TMEM150C: variants seen among roughly 807,000 people sequenced by gnomAD.
TMEM150C encodes transmembrane protein 150C, also known as tentonin 3.
TMEM150C carries 10 observed loss-of-function variants against 29.9 expected under a neutral mutation model. The ratio of observed to expected loss-of-function variants is 0.33; its 90% CI spans 0.21 to 0.57. The LOEUF (loss-of-function observed/expected upper bound fraction) is 0.57, where lower values mean the gene tolerates loss of function less well. Ranked by LOEUF, TMEM150C falls within the 20% of genes least tolerant of loss-of-function variation. TMEM150C has a pLI of 0.88. For missense variants in TMEM150C, 251 were observed against 303.6 expected, an observed-to-expected ratio of 0.83 and a Z score of 1.29; for synonymous variants, 101 against 112.5, an observed-to-expected ratio of 0.90 and a Z score of 0.64.
chr4:82,486,361 A>AC (rs1553904911), intron 7 of TMEM150C, among the ~76,000 whole-genome samples: 4 of 150,814 alleles, frequency 2.7e-5, no homozygotes, highest in Admixed American at 6.6e-5. Context: ...AAAAAAAAAA[A>AC]AAGAAGAAAG....
intron 1 of TMEM150C, among the ~76,000 whole-genome samples, chr4:82,517,936 A>G (rs1724346023): frequency 6.6e-6 from 1 of 152,222 alleles, no homozygotes; most frequent in Admixed American, 6.5e-5. Context: ...GCAATAACAT[A>G]TTCTAACAAC....
intron 1 of TMEM150C, among the ~76,000 whole-genome samples, chr4:82,513,444 TG>T (rs1485800681): frequency 3.3e-5 from 5 of 151,854 alleles, no homozygotes; most frequent in African/African-American, 9.7e-5. Context: ...GCCAATGAAC[TG>T]CACACTTAAA....
At chr4:82,516,457 C>T (rs1724300535) in intron 1 of TMEM150C, among the ~76,000 whole-genome samples, 1 of 152,232 alleles carries the variant, frequency 6.6e-6, no homozygotes, top group African/African-American at 2.4e-5. Flanking sequence ...ATACTGTACA[C>T]ACTGCTTAAA....
chr4:82,525,999 G>T (rs1034824429), intron 1 of TMEM150C, among the ~76,000 whole-genome samples: 11 of 152,128 alleles, frequency 7.2e-5, no homozygotes, highest in African/African-American at 2.7e-4. Flanking sequence ...CCACCTCCTG[G>T]GCTCATGTGA....
chr4:82,492,625 A>G (rs1235573721), intron 6 of TMEM150C, among the ~76,000 whole-genome samples: 4 of 151,730 alleles, frequency 2.6e-5, no homozygotes, highest in African/African-American at 9.7e-5. Flanking sequence ...TCCCCAAATC[A>G]TTACCAACTG....
rs1463703689 is a variant in TMEM150C, at chr4:82,502,751, C to T, written c.211G>A (p.Val71Ile). 2 of 1,610,162 alleles carry T rather than the reference C, an allele frequency of 1.2e-6. No individual in the cohort carries two copies. The highest frequency in any genetic ancestry group is 1.7e-5 in the Admixed American group (1 of 59,498). The change falls in exon 5 of 8, where the codon GTT becomes ATT. Residue 71 changes from valine (V) to isoleucine (I), a missense_variant. Transcript: ENST00000449862. ...CCTAGGAAGGCTGCCATGTTCATAA[C>T]TTGACTAAACACACAGCTTGCAGGA... The part of the protein sequence containing the change: ...DPPASCVFSQ[V>I]MNMAAFLALV...
intron 1 of TMEM150C, among the ~76,000 whole-genome samples, chr4:82,539,264 A>C (rs1269616059): frequency 6.6e-6 from 1 of 152,172 alleles, no homozygotes; most frequent in Non-Finnish European, 1.5e-5. Flanking sequence ...ATGAATGAAT[A>C]CTATTATCAT....
At chr4:82,503,845 T>C (rs1214211973) in intron 2 of TMEM150C, among the ~76,000 whole-genome samples, 1 of 150,604 alleles carries the variant, frequency 6.6e-6, no homozygotes, top group Non-Finnish European at 1.5e-5. Flanking sequence ...CAAGACTCCG[T>C]CTCAAAAAAA....
At position 82,503,117 on chromosome 4, in the gene TMEM150C, C is replaced by A; in HGVS notation, c.81-5G>T. 6.3e-7 allele frequency: 1 copy of A among 1,585,600 alleles called. No individual in the cohort carries two copies. Among genetic ancestry groups the A allele is most frequent in the South Asian group, 1.1e-5 (1 of 88,456 alleles). ...TCTTCCACAGCTATGAAGTATCTATCAAAAAAGAATAAGTTTATAGAACAA... is the reference window on the plus strand; with the variant it reads ...TCTTCCACAGCTATGAAGTATCTATAAAAAAAGAATAAGTTTATAGAACAA... On this transcript the variant is annotated splice_region_variant and splice_polypyrimidine_tract_variant and intron_variant, in intron 2 of 7. Transcript: ENST00000449862.
chr4:82,494,783 ATTTTTTT>A (rs70964776), intron 6 of TMEM150C: 100 of 188,078 alleles, frequency 5.3e-4, no homozygotes, highest in African/African-American at 1.8e-3. Flanking sequence ...AATGTTCCTA[ATTTTTTT>A]TTTTTTTTTT....
At chr4:82,508,915 A>G (rs532571147) in intron 1 of TMEM150C, among the ~76,000 whole-genome samples, 125 of 152,290 alleles carry the variant, frequency 8.2e-4, no homozygotes, top group Non-Finnish European at 1.4e-3. Context: ...CTTCTAACAA[A>G]TGGAGGAAAA....
At chr4:82,527,642 T>G (rs1201346647) in intron 1 of TMEM150C, among the ~76,000 whole-genome samples, 1 of 152,200 alleles carries the variant, frequency 6.6e-6, no homozygotes, top group Non-Finnish European at 1.5e-5. Flanking sequence ...CCTCCATGCC[T>G]TCTTCCCATG....
chr4:82,541,628 G>C (rs1725204831), intron 1 of TMEM150C, among the ~76,000 whole-genome samples: 1 of 152,124 alleles, frequency 6.6e-6, no homozygotes, highest in South Asian at 2.1e-4. Flanking sequence ...TCAGTGAGGA[G>C]CCCAAAATAA....
intron 1 of TMEM150C, among the ~76,000 whole-genome samples, chr4:82,534,317 C>A (rs1724942115): frequency 6.6e-6 from 1 of 152,130 alleles, no homozygotes; most frequent in African/African-American, 2.4e-5. Context: ...TCACCTCACC[C>A]CTGCAAAAGA....
chr4:82,558,569 A>G (rs1725815515), intron 1 of TMEM150C, among the ~76,000 whole-genome samples: 1 of 152,146 alleles, frequency 6.6e-6, no homozygotes, highest in Non-Finnish European at 1.5e-5. Context: ...ATCTCTTTGC[A>G]TGATGATTGA....
At chr4:82,505,239 G>C (rs1283185929) in intron 1 of TMEM150C, among the ~76,000 whole-genome samples, 1 of 152,028 alleles carries the variant, frequency 6.6e-6, no homozygotes, top group Non-Finnish European at 1.5e-5. Context: ...TAGAGATGGG[G>C]TCTAGCTATG....
At chr4:82,505,253 C>A (rs1723879181) in intron 1 of TMEM150C, among the ~76,000 whole-genome samples, 1 of 151,994 alleles carries the variant, frequency 6.6e-6, no homozygotes, top group African/African-American at 2.4e-5. Flanking sequence ...AGCTATGTTG[C>A]CCAAGCTGGT....
intron 1 of TMEM150C, among the ~76,000 whole-genome samples, chr4:82,545,370 G>A (rs1011640795): frequency 6.6e-6 from 1 of 152,066 alleles, no homozygotes; most frequent in African/African-American, 2.4e-5. Context: ...AAATAAAGAA[G>A]CTAGGCATTG....
At chr4:82,497,028 CTA>C (rs1169846544) in intron 5 of TMEM150C, among the ~76,000 whole-genome samples, 5 of 152,192 alleles carry the variant, frequency 3.3e-5, no homozygotes, top group Non-Finnish European at 5.9e-5. Context: ...AATGTCCACT[CTA>C]TCTTTTGAAG....
Sources: gnomAD v4.1 joint callset for allele counts (sites outside exome capture counted in the v4.1 genomes callset) on GRCh38, gnomAD v4.1.1 for gene constraint, MANE v1.5 for transcripts, NCBI Gene and HGNC (gene_info 2026-07-23, HGNC 2026-07-21) for gene names.